Variants in TEAD1 observed in about 807,000 individuals in gnomAD.
TEAD1 encodes TEA domain transcription factor 1.
TEAD1 carries 9 observed loss-of-function variants against 54.9 expected under a neutral mutation model. The observed-to-expected ratio is 0.16, with a 90% CI of 0.10 to 0.29. The LOEUF (loss-of-function observed/expected upper bound fraction) is 0.29. Ranked by LOEUF, TEAD1 falls within the 10% of genes least tolerant of loss-of-function variation. The pLI, the probability that TEAD1 is intolerant of heterozygous loss-of-function variation, is 1.00. For missense variants in TEAD1, 387 were observed against 535.9 expected (o/e 0.72, Z 2.74); for synonymous variants, 200 against 187.8 (o/e 1.07, Z -0.53).
intron 3 of TEAD1, among the ~76,000 whole-genome samples, chr11:12,786,433 AC>A (rs1945678831): frequency 6.6e-6 from 1 of 152,118 alleles, no homozygotes. Context: ...CCATTCTCTC[AC>A]TGGAGTTAGG....
intron 6 of TEAD1, among the ~76,000 whole-genome samples, chr11:12,880,337 T>A (rs1429748057): frequency 6.6e-6 from 1 of 152,242 alleles, no homozygotes; most frequent in Admixed American, 6.5e-5. Flanking sequence ...TAATCTTAAA[T>A]GCTGCTTATT....
intron 2 of TEAD1, among the ~76,000 whole-genome samples, chr11:12,717,712 C>CA (rs1944094143): frequency 6.6e-6 from 1 of 152,124 alleles, no homozygotes; most frequent in Non-Finnish European, 1.5e-5. Flanking sequence ...GGGGTCTGTA[C>CA]CCCACTGCTC....
At chr11:12,706,250 C>A (rs1943812283) in intron 2 of TEAD1, among the ~76,000 whole-genome samples, 1 of 152,194 alleles carries the variant, frequency 6.6e-6, no homozygotes, top group Non-Finnish European at 1.5e-5. Flanking sequence ...ACCCCTCTTC[C>A]ATTCCCTTCA....
intron 3 of TEAD1, among the ~76,000 whole-genome samples, chr11:12,803,169 T>C (rs1338405281): frequency 6.6e-6 from 1 of 152,006 alleles, no homozygotes; most frequent in Non-Finnish European, 1.5e-5. Flanking sequence ...TGAGGATTTT[T>C]CCCCCCTTTC....
intron 2 of TEAD1, among the ~76,000 whole-genome samples, chr11:12,695,128 T>G (rs12807395): frequency 0.058 from 8,911 of 152,326 alleles, 390 homozygotes; most frequent in Non-Finnish European, 0.092. Context: ...CGTTCTTACT[T>G]GTCGTTTGTA....
Position 12,867,953 on chromosome 11 carries a change from C to G in TEAD1, c.330+3053C>G, listed in dbSNP as rs533849182. On this transcript the variant is annotated intron_variant, in intron 5 of 12. Coordinates refer to ENST00000527636, the MANE Select transcript of TEAD1 (RefSeq NM_021961.6). ...GTGGCTGACCATCCCAGTAACTATCCTTGCAGACACTGCCCTAGCCAGGTT... is the reference window on the plus strand; with the variant it reads ...GTGGCTGACCATCCCAGTAACTATCGTTGCAGACACTGCCCTAGCCAGGTT... 3.1e-3 allele frequency among the ~76,000 whole-genome samples: 479 copies of G among 152,298 alleles called. 2 individuals carry two copies. Among genetic ancestry groups the G allele is most frequent in the African/African-American group, 0.011 (459 of 41,574 alleles).
intron 2 of TEAD1, among the ~76,000 whole-genome samples, chr11:12,689,906 A>G (rs1328305538): frequency 6.6e-6 from 1 of 151,982 alleles, no homozygotes; most frequent in African/African-American, 2.4e-5. Context: ...AAAAAAAAAC[A>G]ACCAACTATT....
chr11:12,721,272 A>G (rs1350212337), intron 2 of TEAD1, among the ~76,000 whole-genome samples: 1 of 152,196 alleles, frequency 6.6e-6, no homozygotes, highest in East Asian at 1.9e-4. Flanking sequence ...CCTCCCCTGT[A>G]GGAACAGCAT....
chr11:12,682,158 A>G (rs571868249), intron 2 of TEAD1, among the ~76,000 whole-genome samples: 1 of 152,334 alleles, frequency 6.6e-6, no homozygotes, highest in East Asian at 1.9e-4. Context: ...GGCCACTTCA[A>G]ATTCTGAATG....
chr11:12,849,905 T>C (rs1178675674), intron 3 of TEAD1, among the ~76,000 whole-genome samples: 1 of 152,230 alleles, frequency 6.6e-6, no homozygotes, highest in Non-Finnish European at 1.5e-5. Flanking sequence ...CAATAAGTGC[T>C]CTGTTTACTT....
At chr11:12,783,940 G>A (rs529042328) in intron 3 of TEAD1, among the ~76,000 whole-genome samples, 6 of 152,148 alleles carry the variant, frequency 3.9e-5, no homozygotes. Flanking sequence ...ACACAGGAAG[G>A]GGGGATGGGA....
Position 12,873,906 on chromosome 11 carries a change from G to A in TEAD1, c.331-5802G>A, listed in dbSNP as rs191963168. On this transcript the variant is annotated intron_variant, in intron 5 of 12. Transcript: ENST00000527636. Reference sequence around the variant, plus strand: ...TGTCTTTTTCTGAAAAAGTGATTGTGCAAGCAAATTGCTGTCTTTCCTCCC... The same window carrying A: ...TGTCTTTTTCTGAAAAAGTGATTGTACAAGCAAATTGCTGTCTTTCCTCCC... Among the ~76,000 whole-genome samples, 11 of 152,338 alleles carry A rather than the reference G, an allele frequency of 7.2e-5. No homozygotes were observed. In the East Asian group the frequency reaches 1.3e-3, roughly 19 times the overall value.
chr11:12,802,633 G>A (rs1946082604), intron 3 of TEAD1, among the ~76,000 whole-genome samples: 1 of 152,080 alleles, frequency 6.6e-6, no homozygotes, highest in Non-Finnish European at 1.5e-5. Context: ...AGGTTCTGGT[G>A]GCCAGGTGTT....
At chr11:12,863,273 C>T (rs1036775839) in intron 4 of TEAD1, among the ~76,000 whole-genome samples, 1 of 152,142 alleles carries the variant, frequency 6.6e-6, no homozygotes, top group South Asian at 2.1e-4. Flanking sequence ...TGTGCCACAG[C>T]CTGGGAGCCT....
intron 3 of TEAD1, among the ~76,000 whole-genome samples, chr11:12,820,609 T>C (rs572453180): frequency 6.6e-6 from 1 of 151,974 alleles, no homozygotes; most frequent in African/African-American, 2.4e-5. Flanking sequence ...CATGGTTGGG[T>C]TGAGAGAGGA....
intron 3 of TEAD1, among the ~76,000 whole-genome samples, chr11:12,769,879 A>G (rs1212296644): frequency 1.3e-5 from 2 of 152,214 alleles, no homozygotes; most frequent in Non-Finnish European, 2.9e-5. Flanking sequence ...TGTTTGCTGA[A>G]TAAATGCTTA....
At chr11:12,924,567 A>T (rs1055380353) in intron 10 of TEAD1, among the ~76,000 whole-genome samples, 2 of 152,140 alleles carry the variant, frequency 1.3e-5, no homozygotes, top group Admixed American at 1.3e-4. Flanking sequence ...AAATATCTCT[A>T]AAGATGAGTG....
chr11:12,887,385 G>A (rs1262075100), intron 9 of TEAD1, among the ~76,000 whole-genome samples: 3 of 152,104 alleles, frequency 2.0e-5, no homozygotes, highest in African/African-American at 4.8e-5. Flanking sequence ...GTGAACCACC[G>A]TGCCCGGCCG....
chr11:12,892,031 G>A (rs1032417342), intron 9 of TEAD1, among the ~76,000 whole-genome samples: 1 of 152,230 alleles, frequency 6.6e-6, no homozygotes. Flanking sequence ...TCTCCCCTCT[G>A]GGGGACTGGC....
Sources: allele counts gnomAD v4.1 joint callset (sites outside exome capture counted in the v4.1 genomes callset), GRCh38; gene constraint gnomAD v4.1.1; transcripts MANE v1.5; gene names NCBI Gene and HGNC (gene_info 2026-07-23, HGNC 2026-07-21).